The following NFATC3 variants were observed in gnomAD, a reference collection of about 807,000 sequenced individuals.
NFATC3 encodes nuclear factor of activated T cells 3.
In NFATC3, 46 loss-of-function variants were observed where a neutral mutation model predicts 98.6. The observed-to-expected ratio is 0.47, with a 90% CI of 0.37 to 0.60. The LOEUF is 0.60. Among genes scored for constraint, NFATC3 ranks in the 20% least tolerant of loss-of-function variants. The pLI, the probability that NFATC3 is intolerant of heterozygous loss-of-function variation, is 0.00. For synonymous variants in NFATC3, 512 were observed against 472.2 expected (o/e 1.08, Z -1.09); for missense variants, 1,256 against 1,295.5 (o/e 0.97, Z 0.47).
intron 3 of NFATC3, among the ~76,000 whole-genome samples, chr16:68,149,607 G>A (rs950483194): frequency 6.6e-6 from 1 of 152,200 alleles, no homozygotes; most frequent in Non-Finnish European, 1.5e-5. Context: ...TTAGGAAATA[G>A]CAGTATTAAC....
chr16:68,167,164 C>A, intron 5 of NFATC3, 149 bp downstream of exon 5: 1 of 775,858 alleles, frequency 1.3e-6, no homozygotes, highest in Non-Finnish European at 2.1e-6. Context: ...AATGAGCTAA[C>A]ATGTTTGGGT....
intron 1 of NFATC3, among the ~76,000 whole-genome samples, chr16:68,109,722 T>C: frequency 6.6e-6 from 1 of 152,210 alleles, no homozygotes; most frequent in East Asian, 1.9e-4. Context: ...TTTTGGTTGG[T>C]AGGCTATGTA....
chr16:68,132,271 G>T (rs561096316), intron 3 of NFATC3, among the ~76,000 whole-genome samples: 4 of 152,282 alleles, frequency 2.6e-5, no homozygotes, highest in Non-Finnish European at 4.4e-5. Context: ...AAACTTCAAA[G>T]AGTGGTGATA....
At chr16:68,172,470 A>T (rs771072878) in intron 5 of NFATC3, among the ~76,000 whole-genome samples, 10 of 152,142 alleles carry the variant, frequency 6.6e-5, no homozygotes, top group Non-Finnish European at 1.3e-4. Context: ...GGCAAGAAAA[A>T]ACCATTAGAG....
intron 1 of NFATC3, among the ~76,000 whole-genome samples, chr16:68,115,474 T>C (rs914939929): frequency 1.3e-5 from 2 of 151,770 alleles, no homozygotes; most frequent in African/African-American, 2.4e-5. Flanking sequence ...CAGGCTAGAG[T>C]GCAGTAGTAG....
At position 68,226,897 on chromosome 16, in the gene NFATC3, C is replaced by CAAAAAAAAAAAAAAAAAAAAAAA. The variant is rs397955987; in HGVS notation, c.*430_*452dup. 202 of 30,320 alleles carry CAAAAAAAAAAAAAAAAAAAAAAA rather than the reference C, an allele frequency of 6.7e-3. 4 individuals are homozygous for CAAAAAAAAAAAAAAAAAAAAAAA. The highest frequency in any genetic ancestry group is 0.011 in the East Asian group (7 of 636). The allele number at this position is 30,320 out of a possible 1,614,324, so 1.9% of individuals were successfully genotyped here. On this transcript the variant is annotated 3_prime_UTR_variant, in exon 10 of 10. Coordinates refer to ENST00000346183, the MANE Select transcript of NFATC3 (RefSeq NM_173165.3). ...AACTTTTGATAAGACCTTCTAGAAGCAAAAAAAAAAAAAAAAAAAAAAAAA... is the reference window on the plus strand; with the variant it reads ...AACTTTTGATAAGACCTTCTAGAAGCAAAAAAAAAAAAAAAAAAAAAAAAAAAAAAAAAAAAAAAAAAAAAAAA...
chr16:68,154,198 G>T (rs1394254371), intron 3 of NFATC3, among the ~76,000 whole-genome samples: 3 of 152,102 alleles, frequency 2.0e-5, no homozygotes, highest in African/African-American at 7.2e-5. Flanking sequence ...GAGATTACTG[G>T]TGTGAGCCAT....
At chr16:68,094,343 G>A (rs1397586875) in intron 1 of NFATC3, among the ~76,000 whole-genome samples, 1 of 151,096 alleles carries the variant, frequency 6.6e-6, no homozygotes, top group Admixed American at 6.6e-5. Context: ...CCTGAATGAG[G>A]AAAAATTCAG....
In NFATC3 at chr16:68,172,124, C is replaced by T. The variant is rs137866321; in HGVS notation, c.1775-2250C>T. On this transcript the variant is annotated intron_variant, in intron 5 of 9. Coordinates refer to ENST00000346183, the MANE Select transcript of NFATC3 (RefSeq NM_173165.3). ...CTGGGATTACAGGCGTGAGCCACCG[C>T]GCCTGGCCCACGTAGGCATCTTCTA... is the stretch of plus-strand genomic sequence containing the variant. Among the ~76,000 whole-genome samples, 44 of 152,280 alleles carry T rather than the reference C, an allele frequency of 2.9e-4. No individual in the cohort carries two copies. The East Asian group carries it at 8.3e-3, about 29-fold the overall frequency.
chr16:68,153,785 TTG>T (rs1270802258), intron 3 of NFATC3, among the ~76,000 whole-genome samples: 2 of 151,964 alleles, frequency 1.3e-5, no homozygotes, highest in Non-Finnish European at 2.9e-5. Context: ...GGCTAATTTT[TTG>T]TGTTTTTAGT....
chr16:68,086,406 C>CT (rs1321514732), intron 1 of NFATC3, among the ~76,000 whole-genome samples: 2 of 151,540 alleles, frequency 1.3e-5, no homozygotes, highest in Non-Finnish European at 2.9e-5. Flanking sequence ...TAGTGGGTTG[C>CT]TTTTTTCATA....
chr16:68,109,884 G>A (rs1281648339), intron 1 of NFATC3, among the ~76,000 whole-genome samples: 4 of 152,144 alleles, frequency 2.6e-5, no homozygotes, highest in Non-Finnish European at 5.9e-5. Context: ...AGTATTCTCT[G>A]TGGTGGTTTG....
chr16:68,140,219 C>G (rs909216356), intron 3 of NFATC3, among the ~76,000 whole-genome samples: 1 of 152,072 alleles, frequency 6.6e-6, no homozygotes, highest in Non-Finnish European at 1.5e-5. Context: ...CGGCTGGTCT[C>G]GGAACTCCTG....
rs928867590 is a variant in NFATC3 at position 68,106,184 on chromosome 16, C to A, written c.104-15803C>A. ...CGCACCCGATCCTGTTCATAGTATT[C>A]TTATTATCATAGTATTCTTACATAT... is the stretch of plus-strand genomic sequence containing the variant. On this transcript the variant is annotated intron_variant, in intron 1 of 9. Coordinates refer to ENST00000346183, the MANE Select transcript of NFATC3 (RefSeq NM_173165.3). Among the ~76,000 whole-genome samples, 7 of 151,990 alleles carry A rather than the reference C, an allele frequency of 4.6e-5. 1 individual carries two copies. The highest frequency in any genetic ancestry group is 1.7e-4 in the African/African-American group (7 of 41,398).
chr16:68,087,397 G>T (rs189304969), intron 1 of NFATC3, among the ~76,000 whole-genome samples: 2 of 152,136 alleles, frequency 1.3e-5, no homozygotes, highest in East Asian at 1.9e-4. Context: ...TTTACCATAC[G>T]CAAAAGCCAT....
intron 3 of NFATC3, among the ~76,000 whole-genome samples, chr16:68,150,076 C>T (rs1400346823): frequency 6.6e-6 from 1 of 152,088 alleles, no homozygotes; most frequent in African/African-American, 2.4e-5. Context: ...ATTGTTTCTG[C>T]AGTATGAATT....
At chr16:68,119,317 C>T (rs1361858446) in intron 1 of NFATC3, among the ~76,000 whole-genome samples, 1 of 152,200 alleles carries the variant, frequency 6.6e-6, no homozygotes, top group Non-Finnish European at 1.5e-5. Flanking sequence ...CTCACTACCA[C>T]TTAGGTCCTG....
chr16:68,164,355 C>T (rs935653756), intron 4 of NFATC3, among the ~76,000 whole-genome samples: 6 of 151,890 alleles, frequency 4.0e-5, no homozygotes, highest in African/African-American at 7.3e-5. Flanking sequence ...AGTCCAGCTT[C>T]GGCTCGGTAT....
intron 8 of NFATC3, among the ~76,000 whole-genome samples, chr16:68,186,675 C>G (rs992818055): frequency 6.6e-6 from 1 of 152,198 alleles, no homozygotes; most frequent in Non-Finnish European, 1.5e-5. Context: ...ATGGGACTAG[C>G]CCATATATAG....
Sources: gnomAD v4.1 joint callset for allele counts (sites outside exome capture counted in the v4.1 genomes callset) on GRCh38, gnomAD v4.1.1 for gene constraint, MANE v1.5 for transcripts, NCBI Gene and HGNC (gene_info 2026-07-23, HGNC 2026-07-21) for gene names.